The following APBB2 variants were observed in gnomAD, a reference collection of about 807,000 sequenced individuals.
APBB2 encodes the protein amyloid beta precursor protein binding family B member 2, also known as Fe65-like 1.
APBB2 carries 38 observed loss-of-function variants against 82.5 expected under a neutral mutation model. The observed-to-expected ratio is 0.46, with a 90% CI of 0.36 to 0.60. APBB2 has a LOEUF of 0.60. Ranked by LOEUF, APBB2 falls within the 20% of genes least tolerant of loss-of-function variation. APBB2 has a pLI of 0.00. For synonymous variants in APBB2, 341 were observed against 368.2 expected, an observed-to-expected ratio of 0.93 and a Z score of 0.85; for missense variants, 772 against 972.3, an observed-to-expected ratio of 0.79 and a Z score of 2.74.
intron 12 of APBB2, among the ~76,000 whole-genome samples, chr4:40,831,690 GA>G (rs1751961240): frequency 6.6e-6 from 1 of 152,136 alleles, no homozygotes; most frequent in Non-Finnish European, 1.5e-5. Flanking sequence ...CAATCACAGG[GA>G]ATGTCAGAAC....
intron 12 of APBB2, among the ~76,000 whole-genome samples, chr4:40,876,015 T>C (rs1289119776): frequency 6.6e-6 from 1 of 152,250 alleles, no homozygotes; most frequent in Non-Finnish European, 1.5e-5. Flanking sequence ...TCTTCCTGGC[T>C]TGAGGTTTTT....
At chr4:40,915,364 T>G (rs1405056177) in intron 10 of APBB2, among the ~76,000 whole-genome samples, 1 of 152,218 alleles carries the variant, frequency 6.6e-6, no homozygotes, top group Non-Finnish European at 1.5e-5. Flanking sequence ...ACTTGTGTGG[T>G]TCTCTCTCCA....
At chr4:41,184,658 T>C (rs1365932862) in intron 1 of APBB2, among the ~76,000 whole-genome samples, 1 of 152,194 alleles carries the variant, frequency 6.6e-6, no homozygotes, top group East Asian at 1.9e-4. Flanking sequence ...GGGAGATGCA[T>C]TGCTAGATCC....
At chr4:41,125,487 T>A (rs1754109881) in intron 2 of APBB2, among the ~76,000 whole-genome samples, 1 of 152,094 alleles carries the variant, frequency 6.6e-6, no homozygotes, top group Admixed American at 6.6e-5. Flanking sequence ...AGAAGATAGT[T>A]CTCAACATTT....
At chr4:41,032,778 C>CTTTTTTTTTTTTTTTTTTT (rs11421268) in intron 5 of APBB2, among the ~76,000 whole-genome samples, 4 of 84,318 alleles carry the variant, frequency 4.7e-5, no homozygotes, top group East Asian at 3.9e-4. Context: ...ATTTTTCTTT[C>CTTTTTTTTTTTTTTTTTTT]TTTTTTTTTT....
intron 2 of APBB2, among the ~76,000 whole-genome samples, chr4:41,105,592 A>T (rs756990730): frequency 4.6e-4 from 70 of 152,148 alleles, no homozygotes; most frequent in Non-Finnish European, 8.7e-4. Context: ...TTTAATAATT[A>T]ACCAAATATT....
intron 6 of APBB2, among the ~76,000 whole-genome samples, chr4:40,988,948 G>A (rs935466436): frequency 1.3e-5 from 2 of 151,774 alleles, no homozygotes; most frequent in South Asian, 2.1e-4. Context: ...TAGTAGAGAC[G>A]AGGGTTTCAC....
At chr4:40,981,940 C>T (rs576015919) in intron 6 of APBB2, among the ~76,000 whole-genome samples, 3 of 152,022 alleles carry the variant, frequency 2.0e-5, no homozygotes, top group African/African-American at 7.2e-5. Context: ...AATCCCAGCA[C>T]TTTGGGAGGC....
At chr4:41,095,358 T>A (rs1743143142) in intron 3 of APBB2, among the ~76,000 whole-genome samples, 1 of 152,198 alleles carries the variant, frequency 6.6e-6, no homozygotes, top group African/African-American at 2.4e-5. Flanking sequence ...CTATCATTTC[T>A]CCATCTCTCA....
chr4:40,969,935 TA>T (rs1466507390), intron 6 of APBB2, among the ~76,000 whole-genome samples: 1 of 152,252 alleles, frequency 6.6e-6, no homozygotes, highest in Non-Finnish European at 1.5e-5. Flanking sequence ...CATATAATGA[TA>T]ACACATACTT....
intron 6 of APBB2, among the ~76,000 whole-genome samples, chr4:40,968,904 T>C (rs1795300390): frequency 1.3e-5 from 2 of 152,184 alleles, no homozygotes; most frequent in Non-Finnish European, 2.9e-5. Flanking sequence ...GTTAATTGAA[T>C]CATGGGGGAG....
intron 2 of APBB2, among the ~76,000 whole-genome samples, chr4:41,117,705 C>T (rs566396512): frequency 3.9e-5 from 6 of 152,228 alleles, no homozygotes; most frequent in African/African-American, 1.4e-4. Flanking sequence ...CCCACTCAGC[C>T]CCATCTGCTT....
intron 4 of APBB2, among the ~76,000 whole-genome samples, chr4:41,037,911 G>A (rs146117248): frequency 7.9e-4 from 120 of 152,218 alleles, no homozygotes; most frequent in African/African-American, 2.7e-3. Flanking sequence ...AGCATTGAGA[G>A]GAGAGTCCTT....
chr4:41,011,686 C>T (rs1808418747), intron 6 of APBB2, among the ~76,000 whole-genome samples: 1 of 152,158 alleles, frequency 6.6e-6, no homozygotes, highest in Admixed American at 6.5e-5. Context: ...CCACCTTGGC[C>T]TTCCAAAGTG....
chr4:40,983,612 C>A (rs1048799676), intron 6 of APBB2, among the ~76,000 whole-genome samples: 17 of 151,026 alleles, frequency 1.1e-4, no homozygotes, highest in African/African-American at 4.1e-4. Context: ...GAGTCTCACT[C>A]TGTTGCCCAG....
intron 10 of APBB2, among the ~76,000 whole-genome samples, chr4:40,920,368 C>G (rs1342578919): frequency 6.6e-6 from 1 of 152,230 alleles, no homozygotes; most frequent in Non-Finnish European, 1.5e-5. Flanking sequence ...ATTACCCAGT[C>G]TCGTGTATGT....
chr4:41,176,770 C>T (rs913175342), intron 1 of APBB2, among the ~76,000 whole-genome samples: 1 of 152,110 alleles, frequency 6.6e-6, no homozygotes, highest in Non-Finnish European at 1.5e-5. Context: ...TAACACAAGA[C>T]AGCTTATTTC....
intron 16 of APBB2, 69 bp from the exon 17 acceptor site, chr4:40,822,119 G>C: frequency 6.4e-6 from 10 of 1,559,360 alleles, no homozygotes; most frequent in Non-Finnish European, 8.8e-6. Context: ...GCAGCACATA[G>C]GAACTGGCAT....
At chr4:41,205,595 A>T (rs1293232220) in intron 1 of APBB2, among the ~76,000 whole-genome samples, 1 of 152,182 alleles carries the variant, frequency 6.6e-6, no homozygotes, top group Admixed American at 6.5e-5. Context: ...CACAAAAACT[A>T]TGGCCATTTC....
Sources: gnomAD v4.1 joint callset for allele counts (sites outside exome capture counted in the v4.1 genomes callset) on GRCh38, gnomAD v4.1.1 for gene constraint, MANE v1.5 for transcripts, NCBI Gene and HGNC (gene_info 2026-07-23, HGNC 2026-07-21) for gene names.